The following PRSS8 variants were observed in gnomAD, a reference collection of about 807,000 sequenced individuals.
PRSS8 encodes prostasin.
In PRSS8, 11 loss-of-function variants were observed where a neutral mutation model predicts 26.7. The ratio of observed to expected loss-of-function variants is 0.41; its 90% CI spans 0.26 to 0.68. PRSS8 has a LOEUF of 0.68. Among genes scored for constraint, PRSS8 ranks in the 30% least tolerant of loss-of-function variants. The pLI, the probability that PRSS8 is intolerant of heterozygous loss-of-function variation, is 0.30. For missense variants in PRSS8, 362 were observed against 443.5 expected (o/e 0.82, Z 1.65); for synonymous variants, 183 against 187.0 (o/e 0.98, Z 0.17).
rs909820788 is a variant in PRSS8, at chr16:31,131,605, G to C, written c.*404C>G. 1 of 451,466 alleles carries C rather than the reference G, an allele frequency of 2.2e-6. No homozygotes were observed. The highest frequency in any genetic ancestry group is 3.9e-5 in the Admixed American group (1 of 25,942). 28.0% of individuals were successfully genotyped at this position (451,466 alleles called of 1,614,324 possible). On this transcript the variant is annotated 3_prime_UTR_variant, in exon 6 of 6. Transcript: ENST00000317508. ...TTCCTGTCCTCGAAGCTGCACAAAG[G>C]TGGCCCCAGCCCAGAACACAGGGAG...
At chr16:31,135,039 A>G in intron 2 of PRSS8, 115 bp downstream of exon 2, 2 of 1,328,432 alleles carry the variant, frequency 1.5e-6, no homozygotes, top group East Asian at 2.5e-5. Flanking sequence ...TGGGAGCCCT[A>G]AGAGAATCTA....
chr16:31,135,261 C>T (rs142789229), intron 1 of PRSS8, 90 bp from the exon 2 acceptor site: 36,293 of 1,602,246 alleles, frequency 0.023, 540 homozygotes, highest in Non-Finnish European at 0.027. Context: ...AGGGCTGGCC[C>T]CTTCCCTGAC....
In PRSS8 at chr16:31,135,088, A is replaced by C. The variant is rs2057598258; in HGVS notation, c.103+66T>G. 3.2e-6 allele frequency: 5 copies of C among 1,580,010 alleles called. No individual in the cohort carries two copies. The South Asian group carries it at 5.7e-5, about 18-fold the overall frequency. On this transcript the variant is annotated intron_variant, in intron 2 of 5. Transcript: ENST00000317508. ...CCAGCTGAAGGCCAGGCACTGGTTA[A>C]ACCCCAGGGGAATCCGATCCAAGTC...
Position 31,132,108 on chromosome 16 carries a change from G to A in PRSS8, c.933C>T (p.Ala311=), listed in dbSNP as rs752203634. The A allele has an allele frequency of 6.2e-7, 1 of 1,612,380 alleles. No homozygotes were observed. The change falls in exon 6 of 6, where the codon GCC becomes GCT. Residue 311 remains alanine, a synonymous_variant. Coordinates refer to ENST00000317508, the MANE Select transcript of PRSS8 (RefSeq NM_002773.5). This position sits in a 1 kb window ranked among gnomAD's most constrained non-coding sequence, Gnocchi z 5.2. ...PDSNLCGSHL[A]FSSAPAQGLL... is the part of the protein sequence containing the mutation. ...AGCCCTGGGCTGGGGCAGAGCTGAA[G>A]GCCAGGTGGCTGCCACAGAGGTTGC...
At position 31,133,031 on chromosome 16, in the gene PRSS8, G is replaced by A. The variant is rs1356735240; in HGVS notation, c.267-78C>T. 8 of 1,582,432 alleles carry A rather than the reference G, an allele frequency of 5.1e-6. No individual in the cohort carries two copies. Among genetic ancestry groups the A allele is most frequent in the African/African-American group, 2.7e-5 (2 of 74,340 alleles). ...ACCCCCACTGCCAACCCCTGATTCC[G>A]ATCAGCCCCTTTTAGGTCTCAAATT... On this transcript the variant is annotated intron_variant, in intron 3 of 5. Coordinates refer to ENST00000317508, the MANE Select transcript of PRSS8 (RefSeq NM_002773.5). This position sits in a 1 kb window ranked among gnomAD's most constrained non-coding sequence, Gnocchi z 4.7.
At position 31,133,610 on chromosome 16, in the gene PRSS8, T is replaced by TA. The variant is rs1450958151; in HGVS notation, c.104-223dup. 6.6e-6 allele frequency among the ~76,000 whole-genome samples: 1 copy of TA among 152,132 alleles called. No homozygotes were observed. Among genetic ancestry groups the TA allele is most frequent in the Non-Finnish European group, 1.5e-5 (1 of 68,004 alleles). ...CAAGCCTTCCATCCATCCCGCCCCT[T>TA]ACAAGTCTGAAGATTTTCATAAACC... On this transcript the variant is annotated intron_variant, in intron 2 of 5. Coordinates refer to ENST00000317508, the MANE Select transcript of PRSS8 (RefSeq NM_002773.5). The surrounding 1 kb of genome is among the most constrained non-coding windows in gnomAD (Gnocchi z 4.7).
chr16:31,134,285 C>G (rs916495393), intron 2 of PRSS8: 1 of 152,228 alleles, frequency 6.6e-6, no homozygotes, highest in African/African-American at 2.4e-5. Flanking sequence ...ACAATAGCCA[C>G]TATTTAGAGA....
chr16:31,135,250 G>C (rs996343558), intron 1 of PRSS8, 79 bp from the exon 2 acceptor site: 1 of 1,606,102 alleles, frequency 6.2e-7, no homozygotes, highest in African/African-American at 1.3e-5. Flanking sequence ...CACTGCTCCA[G>C]AGGGCTGGCC....
Position 31,133,151 on chromosome 16 carries a change from G to A in PRSS8, c.266+75C>T. 6.2e-7 allele frequency: 1 copy of A among 1,606,044 alleles called. No homozygotes were observed. The highest frequency in any genetic ancestry group is 8.5e-7 in the Non-Finnish European group (1 of 1,177,204). ...ACTGACACTCTCAGACCCAACCCAA[G>A]AACCCCAACCTCTGACCTGGATTGA... On this transcript the variant is annotated intron_variant, in intron 3 of 5. Coordinates refer to ENST00000317508, the MANE Select transcript of PRSS8 (RefSeq NM_002773.5). This position sits in a 1 kb window ranked among gnomAD's most constrained non-coding sequence, Gnocchi z 4.7.
chr16:31,135,258 GC>G, intron 1 of PRSS8, 87 bp from the exon 2 acceptor site: 1 of 1,603,312 alleles, frequency 6.2e-7, no homozygotes, highest in Non-Finnish European at 8.5e-7. Context: ...CAGAGGGCTG[GC>G]CCCTTCCCTG....
At position 31,135,485 on chromosome 16, in the gene PRSS8, C is replaced by A; in HGVS notation, c.14G>T (p.Gly5Val). ...CCCCAGCTGCCCAGGCCCCAGGACC[C>A]CCTTCTGGGCCATGGCCCAGGACAA... MAQKGVLGPGQLGAV... is the reference protein window; with the variant it reads MAQKVVLGPGQLGAV... The change falls in exon 1 of 6, where the codon GGG becomes GTG. Residue 5 changes from glycine to valine, a missense_variant. By Grantham distance (109) the Gly-to-Val change is moderately radical (BLOSUM62 -3). Coordinates refer to ENST00000317508, the MANE Select transcript of PRSS8 (RefSeq NM_002773.5). 6.4e-7 allele frequency: 1 copy of A among 1,568,624 alleles called. No homozygotes were observed. Among genetic ancestry groups the A allele is most frequent in the Non-Finnish European group, 8.6e-7 (1 of 1,158,132 alleles).
rs1386738396 is a variant in PRSS8 at position 31,133,099 on chromosome 16, C to T, written c.266+127G>A. On this transcript the variant is annotated intron_variant, in intron 3 of 5. Coordinates refer to ENST00000317508, the MANE Select transcript of PRSS8 (RefSeq NM_002773.5). This position sits in a 1 kb window ranked among gnomAD's most constrained non-coding sequence, Gnocchi z 4.7. ...TGTAACCTCTGACCCCTCACCTTCA[C>T]TCCTAACTGGTCCTTCCAGACTTAG... 4 of 1,575,466 alleles carry T rather than the reference C, an allele frequency of 2.5e-6. No individual in the cohort carries two copies. In the Admixed American group the frequency reaches 6.8e-5, roughly 27 times the overall value.
Position 31,135,142 on chromosome 16 carries a change from G to T in PRSS8, c.103+12C>A. 6.2e-7 allele frequency: 1 copy of T among 1,612,312 alleles called. No individual in the cohort carries two copies. The stretch of plus-strand genomic sequence containing the variant: ...TCCCCCTCCCCTCCTCCCTCTCCGA[G>T]GAAAGTCTCACCTTCTGCCCCTTCC... On this transcript the variant is annotated intron_variant, in intron 2 of 5. Transcript: ENST00000317508.
chr16:31,132,388 C>T lies in PRSS8; in HGVS notation c.705+41G>A, dbSNP rs373976549. 1.2e-5 allele frequency: 20 copies of T among 1,613,858 alleles called. No homozygotes were observed. The highest frequency in any genetic ancestry group is 1.1e-4 in the East Asian group (5 of 44,864). ...TCAGGACCGGGCCAGGCCTCCTTTC[C>T]GAAGTTGCACTGGTCATCTGCCCCC... On this transcript the variant is annotated intron_variant, in intron 5 of 5. Coordinates refer to ENST00000317508, the MANE Select transcript of PRSS8 (RefSeq NM_002773.5). This position sits in a 1 kb window ranked among gnomAD's most constrained non-coding sequence, Gnocchi z 5.2.
rs1254125421 is a variant in PRSS8, at chr16:31,133,411, G to C, written c.104-23C>G. 1.2e-6 allele frequency: 2 copies of C among 1,612,348 alleles called. No homozygotes were observed. Among genetic ancestry groups the C allele is most frequent in the African/African-American group, 2.7e-5 (2 of 74,886 alleles). ...GAGCTGCCCAGGGAGGAAGGGAAGG[G>C]GTCAGGTTGTTAGCCTGGCCACTCC... On this transcript the variant is annotated intron_variant, in intron 2 of 5. Coordinates refer to ENST00000317508, the MANE Select transcript of PRSS8 (RefSeq NM_002773.5). The surrounding 1 kb of genome is among the most constrained non-coding windows in gnomAD (Gnocchi z 4.7).
rs768143454 is a variant in PRSS8 at position 31,135,394 on chromosome 16, G to A, written c.85+20C>T. On this transcript the variant is annotated intron_variant, in intron 1 of 5. Transcript: ENST00000317508. ...CCCTCCAGTGCATTGTCCCCACCCT[G>A]CCCCCACGTCCTCACTTACCTGTCC... 5.7e-6 allele frequency: 9 copies of A among 1,584,178 alleles called. No individual in the cohort carries two copies. The Admixed American group carries it at 1.6e-4, about 29-fold the overall frequency.
chr16:31,132,632 C>T lies in PRSS8; in HGVS notation c.539-37G>A, dbSNP rs761208960. ...AAAGAGGCTTACCCTGGGCCCCTCCCCAAGTCAGGTGCCCCTCCACACCTC... is the reference window on the plus strand; with the variant it reads ...AAAGAGGCTTACCCTGGGCCCCTCCTCAAGTCAGGTGCCCCTCCACACCTC... On this transcript the variant is annotated intron_variant, in intron 4 of 5. Transcript: ENST00000317508. The surrounding 1 kb of genome is among the most constrained non-coding windows in gnomAD (Gnocchi z 5.2). The T allele has an allele frequency of 1.2e-5, 20 of 1,613,222 alleles. No homozygotes were observed. The South Asian group carries it at 1.3e-4, about 11-fold the overall frequency.
At position 31,132,485 on chromosome 16, in the gene PRSS8, C is replaced by G. The variant is rs1392117376; in HGVS notation, c.649G>C (p.Val217Leu). 6.2e-7 allele frequency: 1 copy of G among 1,614,076 alleles called. No individual in the cohort carries two copies. Residue 217 changes from valine (V) to leucine (L), a missense_variant, in exon 5 of 6, where the codon GTC becomes CTC. By Grantham distance (32) the Val-to-Leu change is conservative. Transcript: ENST00000317508. This position sits in a 1 kb window ranked among gnomAD's most constrained non-coding sequence, Gnocchi z 5.2. ...IDAKPEEPHF[V>L]QEDMVCAGYV... The stretch of plus-strand genomic sequence containing the variant: ...CCAGCACACACCATGTCCTCTTGGA[C>G]AAAGTGCGGCTCCTCAGGCTTGGCG...
chr16:31,135,265 C>T, intron 1 of PRSS8, 94 bp from the exon 2 acceptor site: 1 of 1,601,902 alleles, frequency 6.2e-7, no homozygotes. Flanking sequence ...CTGGCCCCTT[C>T]CCTGACAGAG....
Sources: allele counts gnomAD v4.1 joint callset (sites outside exome capture counted in the v4.1 genomes callset), GRCh38; gene constraint gnomAD v4.1.1; non-coding constraint Gnocchi (gnomAD v3.1); transcripts MANE v1.5; gene names NCBI Gene and HGNC (gene_info 2026-07-23, HGNC 2026-07-21).